CASK: variants seen among roughly 807,000 people sequenced by gnomAD.
CASK encodes peripheral plasma membrane protein CASK.
CASK carries 4 observed loss-of-function variants against 82.9 expected under a neutral mutation model. The ratio of observed to expected loss-of-function variants is 0.05; its 90% CI spans 0.02 to 0.11. The LOEUF (loss-of-function observed/expected upper bound fraction) is 0.11, where lower values mean the gene tolerates loss of function less well. Among genes scored for constraint, CASK ranks in the 10% least tolerant of loss-of-function variants. CASK has a pLI of 1.00. For missense variants in CASK, 358 were observed against 720.9 expected (o/e 0.50, Z 5.76); for synonymous variants, 259 against 253.5 (o/e 1.02, Z -0.20).
chrX:41,669,394 A>C (rs1173414831), intron 6 of CASK, among the ~76,000 whole-genome samples: 2 of 111,589 alleles, frequency 1.8e-5, no homozygotes, highest in African/African-American at 6.5e-5. Context: ...CAAGATGTAC[A>C]ATAAAATACG....
intron 8 of CASK, among the ~76,000 whole-genome samples, chrX:41,659,384 C>T (rs1436492688): frequency 9.1e-6 from 1 of 110,021 alleles, no homozygotes; most frequent in East Asian, 2.9e-4. Context: ...CCCGCCACCA[C>T]GCTAGGCTAA....
At chrX:41,794,117 C>T (rs906733821) in intron 2 of CASK, among the ~76,000 whole-genome samples, 1 of 111,744 alleles carries the variant, frequency 8.9e-6, no homozygotes, top group African/African-American at 3.3e-5. Context: ...TGTCTTTTTT[C>T]ACACACACAA....
intron 3 of CASK, among the ~76,000 whole-genome samples, chrX:41,760,502 G>A (rs1016853285): frequency 1.6e-4 from 18 of 111,550 alleles, no homozygotes; most frequent in Admixed American, 6.7e-4. Flanking sequence ...AGAGAACAGT[G>A]ACATTCTAAT....
At chrX:41,667,315 G>C (rs1473044654) in intron 6 of CASK, among the ~76,000 whole-genome samples, 1 of 111,428 alleles carries the variant, frequency 9.0e-6, no homozygotes, top group Non-Finnish European at 1.9e-5. Flanking sequence ...AAAAGGACTG[G>C]AGTTAATCTT....
chrX:41,801,071 A>C lies in CASK; in HGVS notation c.173-13788T>G, dbSNP rs1386856192. 5.4e-5 allele frequency among the ~76,000 whole-genome samples: 6 copies of C among 111,856 alleles called. No homozygotes were observed. The Admixed American group carries it at 5.7e-4, about 11-fold the overall frequency. On this transcript the variant is annotated intron_variant, in intron 2 of 26. Coordinates refer to ENST00000378163, the MANE Select transcript of CASK (RefSeq NM_001367721.1). Reference sequence around the variant, plus strand: ...TCCACAGTTGCTATAACAAAGTGTTAGGAGACATGCAAAATGCAGAAAAGT... The same window carrying C: ...TCCACAGTTGCTATAACAAAGTGTTCGGAGACATGCAAAATGCAGAAAAGT...
intron 12 of CASK, among the ~76,000 whole-genome samples, chrX:41,609,569 G>C (rs1376133509): frequency 4.0e-5 from 3 of 75,046 alleles, no homozygotes; most frequent in Non-Finnish European, 7.8e-5. Flanking sequence ...TTTTTTTTTT[G>C]AGACAGAGTC....
At chrX:41,644,676 A>G (rs1251805751) in intron 8 of CASK, among the ~76,000 whole-genome samples, 1 of 112,237 alleles carries the variant, frequency 8.9e-6, no homozygotes, top group African/African-American at 3.2e-5. Context: ...TCTTCTTTCA[A>G]AAGCAAATGG....
At chrX:41,780,754 T>C (rs746227139) in intron 3 of CASK, among the ~76,000 whole-genome samples, 1 of 111,399 alleles carries the variant, frequency 9.0e-6, no homozygotes, top group African/African-American at 3.3e-5. Flanking sequence ...GTTCAAGTGA[T>C]TCTCCTGCCT....
At chrX:41,912,895 A>G (rs1601970022) in intron 1 of CASK, among the ~76,000 whole-genome samples, 2 of 107,753 alleles carry the variant, frequency 1.9e-5, no homozygotes, top group African/African-American at 6.7e-5. Context: ...TGACTTTATT[A>G]AAATTTCTTC....
chrX:41,535,603 A>AAAGTCTTG (rs1192334915), intron 22 of CASK, among the ~76,000 whole-genome samples: 2 of 110,583 alleles, frequency 1.8e-5, no homozygotes, highest in African/African-American at 6.6e-5. Flanking sequence ...CACTCAATGG[A>AAAGTCTTG]AAGTCTTGAA....
rs1023938532 is a variant in CASK, at chrX:41,705,234, G to A, written c.430-33704C>T. 5.0e-4 allele frequency among the ~76,000 whole-genome samples: 56 copies of A among 112,457 alleles called. 1 individual carries two copies. The highest frequency in any genetic ancestry group is 1.3e-4 in the Non-Finnish European group (7 of 53,272). On this transcript the variant is annotated intron_variant, in intron 5 of 26. Coordinates refer to ENST00000378163, the MANE Select transcript of CASK (RefSeq NM_001367721.1). ...GAAACTTGAGCAAGTAAGGAGGAGA[G>A]TGTGAGGGCACCTGGCAGGATGCCA...
chrX:41,671,151 CA>C (rs1168074905), intron 6 of CASK, among the ~76,000 whole-genome samples: 1 of 112,383 alleles, frequency 8.9e-6, no homozygotes, highest in Non-Finnish European at 1.9e-5. Flanking sequence ...CACTATGCCT[CA>C]AACTTATTTT....
chrX:41,592,746 T>C (rs932862971), intron 12 of CASK, among the ~76,000 whole-genome samples: 1 of 111,786 alleles, frequency 8.9e-6, no homozygotes, highest in Non-Finnish European at 1.9e-5. Context: ...AATATTACTT[T>C]TATTGAGCAC....
At chrX:41,743,666 C>G (rs2068633177) in intron 4 of CASK, 4 of 295,988 alleles carry the variant, frequency 1.4e-5, no homozygotes, top group African/African-American at 1.1e-4. Flanking sequence ...TGAAGACATT[C>G]AAGTCATGCT....
intron 5 of CASK, among the ~76,000 whole-genome samples, chrX:41,686,945 C>T (rs979256239): frequency 5.4e-5 from 6 of 111,601 alleles, no homozygotes; most frequent in East Asian, 2.8e-4. Flanking sequence ...GAGCTAAGAA[C>T]GCAGAGACAA....
chrX:41,663,084 C>T (rs775619862), intron 7 of CASK, among the ~76,000 whole-genome samples: 2 of 110,525 alleles, frequency 1.8e-5, no homozygotes, highest in African/African-American at 6.6e-5. Flanking sequence ...GTGAGCCCAG[C>T]TGAGATCTGC....
chrX:41,757,100 C>T (rs941070622), intron 3 of CASK, among the ~76,000 whole-genome samples: 1 of 112,148 alleles, frequency 8.9e-6, no homozygotes, highest in Admixed American at 9.4e-5. Context: ...CCAGATGATA[C>T]ATATGAATAC....
At chrX:41,869,884 G>A in intron 1 of CASK, among the ~76,000 whole-genome samples, 1 of 100,140 alleles carries the variant, frequency 1.0e-5, no homozygotes, top group African/African-American at 3.6e-5. Flanking sequence ...ACTGAAAGCT[G>A]AATAAAATTA....
In CASK at chrX:41,692,852, T is replaced by C. The variant is rs909902272; in HGVS notation, c.430-21322A>G. On this transcript the variant is annotated intron_variant, in intron 5 of 26. Coordinates refer to ENST00000378163, the MANE Select transcript of CASK (RefSeq NM_001367721.1). ...GTTTTTCGTTGCCACCACACTACGC[T>C]AGTGATAGAGCAATTGCAATTGTGT... is the stretch of plus-strand genomic sequence containing the variant. Among the ~76,000 whole-genome samples the C allele has an allele frequency of 4.7e-4, 53 of 112,162 alleles. 1 individual carries two copies. The highest frequency in any genetic ancestry group is 7.6e-4 in the Admixed American group (8 of 10,578).
Sources: allele counts gnomAD v4.1 joint callset (sites outside exome capture counted in the v4.1 genomes callset), GRCh38; gene constraint gnomAD v4.1.1; transcripts MANE v1.5; gene names NCBI Gene and HGNC (gene_info 2026-07-23, HGNC 2026-07-21).